The following KLF8 variants were observed in gnomAD, a reference collection of about 807,000 sequenced individuals.
KLF8 encodes KLF transcription factor 8.
In KLF8, 10 loss-of-function variants were observed where a neutral mutation model predicts 18.2. The observed-to-expected ratio is 0.55, with a 90% CI of 0.34 to 0.93. The LOEUF is 0.93. KLF8 is among the 40% of genes least tolerant of loss of function. The pLI, the probability that KLF8 is intolerant of heterozygous loss-of-function variation, is 0.02. For synonymous variants in KLF8, 109 were observed against 97.3 expected (o/e 1.12, Z -0.71); for missense variants, 264 against 277.9 (o/e 0.95, Z 0.36).
intron 2 of KLF8, among the ~76,000 whole-genome samples, chrX:56,256,179 A>G (rs1405850693): frequency 1.8e-5 from 2 of 111,769 alleles, no homozygotes; most frequent in African/African-American, 6.5e-5. Context: ...GTAATTGCTC[A>G]TAGTGGCTAC....
the KLF8 span, among the ~76,000 whole-genome samples, chrX:55,951,204 G>A: frequency 9.0e-6 from 1 of 111,035 alleles, no homozygotes; most frequent in Non-Finnish European, 1.9e-5. Flanking sequence ...CTCTGGGCAC[G>A]GTAGCTCATG....
chrX:56,052,201 G>T, the KLF8 span, among the ~76,000 whole-genome samples: 4 of 110,396 alleles, frequency 3.6e-5, no homozygotes, highest in Non-Finnish European at 7.6e-5. Flanking sequence ...CAACTTCTTT[G>T]CCTTTGGTTT....
At chrX:56,116,510 G>C in the KLF8 span, among the ~76,000 whole-genome samples, 2 of 109,777 alleles carry the variant, frequency 1.8e-5, no homozygotes, top group African/African-American at 3.3e-5. Flanking sequence ...TGGAAAGCTG[G>C]AGGAGGAATG....
chrX:56,096,520 T>C, the KLF8 span, among the ~76,000 whole-genome samples: 1 of 111,667 alleles, frequency 9.0e-6, no homozygotes. Flanking sequence ...ATTATCAAAA[T>C]TTGTGGGATG....
rs776847486 is a variant in KLF8, at chrX:56,240,639, G to C, written c.7+7298G>C. On this transcript the variant is annotated intron_variant, in intron 1 of 5. Transcript: ENST00000468660. The stretch of plus-strand genomic sequence containing the variant: ...TACTCTGTACATATATTCAATATTA[G>C]AGTTTGCTGCAAAGATATAAAAACA... Among the ~76,000 whole-genome samples, 97 of 110,956 alleles carry C rather than the reference G, an allele frequency of 8.7e-4. 1 individual carries two copies. The highest frequency in any genetic ancestry group is 1.5e-3 in the Non-Finnish European group (78 of 52,960).
chrX:56,256,470 A>T (rs1207084208), intron 2 of KLF8, among the ~76,000 whole-genome samples: 1 of 110,012 alleles, frequency 9.1e-6, no homozygotes, highest in African/African-American at 3.3e-5. Context: ...TGCAGGTATC[A>T]TTGCTTTTCT....
At chrX:56,172,146 G>T in the KLF8 span, among the ~76,000 whole-genome samples, 3 of 109,760 alleles carry the variant, frequency 2.7e-5, no homozygotes, top group Non-Finnish European at 3.8e-5. Context: ...TAGGGTACAG[G>T]TGTACAACAT....
At chrX:56,139,611 A>G in the KLF8 span, among the ~76,000 whole-genome samples, 1 of 111,793 alleles carries the variant, frequency 8.9e-6, no homozygotes, top group African/African-American at 3.2e-5. Context: ...TCCTTTCACC[A>G]TACACAAAAA....
chrX:56,195,116 A>G, the KLF8 span, among the ~76,000 whole-genome samples: 1 of 112,519 alleles, frequency 8.9e-6, no homozygotes, highest in African/African-American at 3.2e-5. Context: ...AAAACCACAA[A>G]GAGGAGGAGA....
chrX:56,035,228 C>T, the KLF8 span, among the ~76,000 whole-genome samples: 1 of 111,944 alleles, frequency 8.9e-6, no homozygotes, highest in African/African-American at 3.2e-5. Context: ...GTTTAACCTT[C>T]AGTTCCTAGT....
At chrX:56,080,853 T>G in the KLF8 span, among the ~76,000 whole-genome samples, 2 of 111,122 alleles carry the variant, frequency 1.8e-5, no homozygotes, top group East Asian at 5.6e-4. Flanking sequence ...CATTTATTTT[T>G]ATTCTTTTTT....
the KLF8 span, among the ~76,000 whole-genome samples, chrX:56,011,078 C>G: frequency 8.9e-6 from 1 of 112,000 alleles, no homozygotes; most frequent in African/African-American, 3.2e-5. Context: ...AGAAAATTAA[C>G]AATGATATTC....
the KLF8 span, among the ~76,000 whole-genome samples, chrX:56,021,944 G>A: frequency 9.4e-6 from 1 of 106,224 alleles, no homozygotes; most frequent in Non-Finnish European, 1.9e-5. Flanking sequence ...TCCCAGAAAT[G>A]TGTGCAGAGA....
intron 2 of KLF8, among the ~76,000 whole-genome samples, chrX:56,263,235 G>A (rs1158144566): frequency 9.0e-6 from 1 of 111,621 alleles, no homozygotes; most frequent in East Asian, 2.8e-4. Context: ...ATCCACCCAT[G>A]AGGGATGGGT....
At chrX:56,019,687 TAG>T in the KLF8 span, among the ~76,000 whole-genome samples, 1 of 111,909 alleles carries the variant, frequency 8.9e-6, no homozygotes, top group African/African-American at 3.2e-5. Flanking sequence ...TCTATGCATA[TAG>T]AAGTAATAGT....
At chrX:55,914,204 A>G in the KLF8 span, among the ~76,000 whole-genome samples, 2 of 111,786 alleles carry the variant, frequency 1.8e-5, no homozygotes, top group Non-Finnish European at 3.8e-5. Flanking sequence ...TATATTAACC[A>G]TTTCCACTTA....
At chrX:56,077,748 A>C in the KLF8 span, among the ~76,000 whole-genome samples, 1 of 111,730 alleles carries the variant, frequency 9.0e-6, no homozygotes, top group Non-Finnish European at 1.9e-5. Context: ...GGCCATTTTC[A>C]TGATACTGAT....
intron 2 of KLF8, among the ~76,000 whole-genome samples, chrX:56,252,722 T>C (rs1347467819): frequency 8.9e-6 from 1 of 112,394 alleles, no homozygotes; most frequent in Non-Finnish European, 1.9e-5. Flanking sequence ...ATTTCCTTTC[T>C]TTTTGGTATA....
chrX:56,153,898 G>A, the KLF8 span, among the ~76,000 whole-genome samples: 1 of 111,261 alleles, frequency 9.0e-6, no homozygotes, highest in African/African-American at 3.3e-5. Flanking sequence ...TCTTCAAGGT[G>A]AACTACAAAC....
Sources: gnomAD v4.1 joint callset for allele counts (sites outside exome capture counted in the v4.1 genomes callset) on GRCh38, gnomAD v4.1.1 for gene constraint, MANE v1.5 for transcripts, NCBI Gene and HGNC (gene_info 2026-07-23, HGNC 2026-07-21) for gene names.